PTPRM: variants seen among roughly 807,000 people sequenced by gnomAD.
The protein encoded by PTPRM is receptor-type tyrosine-protein phosphatase mu.
Under a neutral mutation model 186.7 loss-of-function variants are expected in PTPRM, and 47 were observed. The observed-to-expected ratio is 0.25, with a 90% CI of 0.20 to 0.32. The LOEUF is 0.32. Ranked by LOEUF, PTPRM falls within the 10% of genes least tolerant of loss-of-function variation. The pLI is 1.00. For missense variants in PTPRM, 1,494 were observed against 1,865.0 expected (o/e 0.80, Z 3.66); for synonymous variants, 668 against 674.9 (o/e 0.99, Z 0.16).
chr18:7,699,143 C>T (rs151032657), intron 1 of PTPRM, among the ~76,000 whole-genome samples: 95 of 152,256 alleles, frequency 6.2e-4, no homozygotes, highest in African/African-American at 2.3e-3. Context: ...CTAAGTTGTG[C>T]ACTTCTTATG....
At chr18:7,603,416 C>T (rs1394556192) in intron 1 of PTPRM, among the ~76,000 whole-genome samples, 2 of 152,172 alleles carry the variant, frequency 1.3e-5, no homozygotes, top group East Asian at 1.9e-4. Flanking sequence ...GTTAAGCTAA[C>T]GTTTGCAGGG....
intron 5 of PTPRM, among the ~76,000 whole-genome samples, chr18:7,927,758 T>A (rs886442903): frequency 3.5e-4 from 54 of 152,200 alleles, no homozygotes; most frequent in African/African-American, 1.3e-3. Context: ...TGTTTTGTTT[T>A]GTGTTTGTCT....
At chr18:7,816,987 T>G (rs2044865044) in intron 2 of PTPRM, among the ~76,000 whole-genome samples, 1 of 151,312 alleles carries the variant, frequency 6.6e-6, no homozygotes, top group Admixed American at 6.6e-5. Context: ...TTTTTTTTTT[T>G]TTTTTGAGAT....
intron 14 of PTPRM, among the ~76,000 whole-genome samples, chr18:8,180,595 T>C (rs1223851410): frequency 6.6e-6 from 1 of 152,190 alleles, no homozygotes; most frequent in Non-Finnish European, 1.5e-5. Context: ...GCTGTTCGAA[T>C]GCGCAGTGGC....
At chr18:7,701,425 C>T (rs2039963867) in intron 1 of PTPRM, among the ~76,000 whole-genome samples, 1 of 151,414 alleles carries the variant, frequency 6.6e-6, no homozygotes, top group African/African-American at 2.4e-5. Flanking sequence ...GTGGTGAAAC[C>T]CCATCTCTAC....
intron 2 of PTPRM, among the ~76,000 whole-genome samples, chr18:7,776,197 A>G (rs1328669252): frequency 1.3e-5 from 2 of 152,210 alleles, no homozygotes; most frequent in Non-Finnish European, 2.9e-5. Flanking sequence ...AATTAATATT[A>G]GGCCTTTGTA....
chr18:7,826,860 C>G (rs955845157), intron 2 of PTPRM, among the ~76,000 whole-genome samples: 4 of 152,084 alleles, frequency 2.6e-5, no homozygotes, highest in Non-Finnish European at 4.4e-5. Context: ...TTGGGAGGCC[C>G]AGACAGGCAG....
intron 14 of PTPRM, among the ~76,000 whole-genome samples, chr18:8,240,838 GAAAGA>G (rs2094427223): frequency 1.3e-4 from 12 of 92,170 alleles, no homozygotes; most frequent in African/African-American, 3.2e-4. Flanking sequence ...AAGAAAGAAA[GAAAGA>G]AAAGAAAGAA....
At chr18:7,951,208 TGAG>T (rs2052929532) in intron 6 of PTPRM, among the ~76,000 whole-genome samples, 1 of 152,176 alleles carries the variant, frequency 6.6e-6, no homozygotes, top group Non-Finnish European at 1.5e-5. Context: ...CTCTGGCAAG[TGAG>T]ACATCATGAT....
chr18:8,311,379 A>T (rs2095267203), intron 20 of PTPRM, among the ~76,000 whole-genome samples: 1 of 151,804 alleles, frequency 6.6e-6, no homozygotes, highest in Admixed American at 6.6e-5. Context: ...ATGATCCTGG[A>T]CCACCACCCA....
rs1349560690 is a variant in PTPRM at position 7,930,548 on chromosome 18, CTGTT to C, written c.663+3867_663+3870del. Among the ~76,000 whole-genome samples the C allele has an allele frequency of 2.0e-5, 3 of 152,146 alleles. No individual in the cohort carries two copies. The East Asian group carries it at 5.8e-4, about 29-fold the overall frequency. On this transcript the variant is annotated intron_variant, in intron 5 of 32. Coordinates refer to ENST00000580170, the MANE Select transcript of PTPRM (RefSeq NM_001105244.2). ...TGACATAGCTGGCAATAATACAACT[CTGTT>C]TATTTACTTTTATTTCACCTTTAAG...
intron 2 of PTPRM, among the ~76,000 whole-genome samples, chr18:7,833,285 A>G (rs578074466): frequency 9.7e-4 from 147 of 152,194 alleles, no homozygotes; most frequent in African/African-American, 3.4e-3. Flanking sequence ...GTCCTCTTCA[A>G]TTTCTTCAAC....
At chr18:7,576,214 A>G (rs2036683204) in intron 1 of PTPRM, among the ~76,000 whole-genome samples, 1 of 152,254 alleles carries the variant, frequency 6.6e-6, no homozygotes, top group South Asian at 2.1e-4. Context: ...GCTGCAAAGC[A>G]TAAAAGCTTA....
intron 14 of PTPRM, among the ~76,000 whole-genome samples, chr18:8,210,219 G>A (rs200182994): frequency 2.1e-4 from 32 of 152,182 alleles, no homozygotes; most frequent in African/African-American, 7.5e-4. Flanking sequence ...GCTGAGGCAC[G>A]AGAATCTATT....
chr18:8,207,162 C>A (rs7233623), intron 14 of PTPRM, among the ~76,000 whole-genome samples: 75,061 of 151,832 alleles, frequency 0.49, 19,142 homozygotes, highest in East Asian at 0.84. Context: ...CCAAGTGGGA[C>A]AGCCGAGGTC....
chr18:8,141,515 T>C (rs1321786018), intron 13 of PTPRM, among the ~76,000 whole-genome samples: 1 of 152,194 alleles, frequency 6.6e-6, no homozygotes, highest in Non-Finnish European at 1.5e-5. Flanking sequence ...CCACCCCTCC[T>C]TGGCCCAAAG....
intron 2 of PTPRM, among the ~76,000 whole-genome samples, chr18:7,795,810 CTTTTTTT>C (rs397741769): frequency 8.5e-6 from 1 of 117,768 alleles, no homozygotes; most frequent in Non-Finnish European, 1.8e-5. Context: ...TTCTTTCTTT[CTTTTTTT>C]TTTTTTTTTT....
intron 22 of PTPRM, among the ~76,000 whole-genome samples, chr18:8,325,512 C>G (rs1200825115): frequency 1.3e-5 from 2 of 152,178 alleles, no homozygotes; most frequent in African/African-American, 4.8e-5. Context: ...TTTTTTATGG[C>G]TGCATAGTAT....
chr18:8,184,315 A>G (rs1190286702), intron 14 of PTPRM, among the ~76,000 whole-genome samples: 1 of 132,326 alleles, frequency 7.6e-6, no homozygotes, highest in African/African-American at 2.6e-5. Context: ...GATGTGTTTT[A>G]TCCTGCTGCA....
Sources: allele counts gnomAD v4.1 joint callset (sites outside exome capture counted in the v4.1 genomes callset), GRCh38; gene constraint gnomAD v4.1.1; transcripts MANE v1.5; gene names NCBI Gene and HGNC (gene_info 2026-07-23, HGNC 2026-07-21).